The following NINL variants were observed in gnomAD, a reference collection of about 807,000 sequenced individuals.
NINL encodes ninein like.
In NINL, 153 loss-of-function variants were observed where a neutral mutation model predicts 160.3. The observed-to-expected ratio is 0.95, with a 90% confidence interval of 0.84 to 1.09. NINL has a LOEUF of 1.09. Among genes scored for constraint, NINL ranks in the 50% least tolerant of loss-of-function variants. NINL has a pLI of 0.00. For synonymous variants in NINL, 800 were observed against 734.8 expected, an observed-to-expected ratio of 1.09 and a Z score of -1.43; for missense variants, 1,829 against 1,764.0, an observed-to-expected ratio of 1.04 and a Z score of -0.66.
chr20:25,463,575 G>C (rs1601003722), intron 19 of NINL, among the ~76,000 whole-genome samples: 1 of 152,332 alleles, frequency 6.6e-6, no homozygotes, highest in South Asian at 2.1e-4. Flanking sequence ...CGGAGGCTCT[G>C]CTGTCTGCAG....
At chr20:25,470,947 T>C (rs2063079994) in intron 17 of NINL, among the ~76,000 whole-genome samples, 2 of 152,216 alleles carry the variant, frequency 1.3e-5, no homozygotes, top group African/African-American at 2.4e-5. Flanking sequence ...GGTCTCCATA[T>C]GGTACTAGCT....
At chr20:25,484,807 T>C (rs1477098266) in intron 13 of NINL, among the ~76,000 whole-genome samples, 1 of 152,240 alleles carries the variant, frequency 6.6e-6, no homozygotes, top group African/African-American at 2.4e-5. Context: ...CCAGGGAAGA[T>C]TCTGATGAAG....
At chr20:25,528,012 T>C (rs184900742) in intron 1 of NINL, among the ~76,000 whole-genome samples, 1 of 152,286 alleles carries the variant, frequency 6.6e-6, no homozygotes, top group East Asian at 1.9e-4. Context: ...TATTAAACAG[T>C]CTTGAAATTC....
chr20:25,461,413 G>A (rs6107046), intron 21 of NINL, 109 bp downstream of exon 21: 306,006 of 682,400 alleles, frequency 0.45, 73,768 homozygotes, highest in East Asian at 0.91. Context: ...GCCCAGCAGC[G>A]CAACTACTTC....
At chr20:25,548,042 T>C (rs1351923217) in intron 1 of NINL, among the ~76,000 whole-genome samples, 2 of 152,202 alleles carry the variant, frequency 1.3e-5, no homozygotes. Flanking sequence ...ACAGCTATAC[T>C]CCTGGGATCC....
rs541174270 is a variant in NINL at position 25,500,097 on chromosome 20, T to C, written c.1032+743A>G. Among the ~76,000 whole-genome samples the C allele has an allele frequency of 2.0e-5, 3 of 152,254 alleles. No homozygotes were observed. In the East Asian group the frequency reaches 5.8e-4, roughly 29 times the overall value. On this transcript the variant is annotated intron_variant, in intron 8 of 23. Transcript: ENST00000278886. ...AGGGGGGCAGGTAGGCTTTCTTTCT[T>C]ATTTAATAGGTTTTTGTTCAGTTGA... is the stretch of plus-strand genomic sequence containing the variant.
chr20:25,465,381 T>C (rs1287362370), intron 19 of NINL, among the ~76,000 whole-genome samples: 3 of 152,128 alleles, frequency 2.0e-5, no homozygotes, highest in Non-Finnish European at 4.4e-5. Context: ...ACCTGAACAC[T>C]TGCCCATCAG....
At chr20:25,576,897 T>C (rs2065122121) in intron 1 of NINL, among the ~76,000 whole-genome samples, 2 of 152,254 alleles carry the variant, frequency 1.3e-5, no homozygotes, top group South Asian at 4.1e-4. Flanking sequence ...CAGTGTACAC[T>C]ATCAAGTACA....
chr20:25,461,251 A>G (rs1028817380), intron 21 of NINL, among the ~76,000 whole-genome samples: 3 of 152,122 alleles, frequency 2.0e-5, no homozygotes, highest in African/African-American at 7.2e-5. Context: ...TGGCTCCTCC[A>G]TTCTGTGGAG....
Position 25,452,941 on chromosome 20 carries a change from C to T in NINL, c.*510G>A, listed in dbSNP as rs913945454. 1 of 152,618 alleles carries T rather than the reference C, an allele frequency of 6.6e-6. No individual in the cohort carries two copies. Among genetic ancestry groups the T allele is most frequent in the Non-Finnish European group, 1.5e-5 (1 of 68,066 alleles). The allele number at this position is 152,618 out of a possible 1,614,324, so 9.5% of individuals were successfully genotyped here. A position where few individuals can be genotyped will look rare whatever the true frequency, so the allele number is the denominator to read the frequency against. ...AAGGTCCCCGGAGAAGGGGCTTCCC[C>T]TCCTTTCTCGCTGGGTTGACGTTCC... On this transcript the variant is annotated 3_prime_UTR_variant, in exon 24 of 24. Transcript: ENST00000278886.
chr20:25,458,318 A>G, intron 22 of NINL, 65 bp downstream of exon 22: 3 of 1,581,928 alleles, frequency 1.9e-6, no homozygotes, highest in Non-Finnish European at 2.6e-6. Context: ...GTAACTGAGG[A>G]CCGGTGGGCC....
At chr20:25,580,242 G>A (rs918907540) in intron 1 of NINL, among the ~76,000 whole-genome samples, 1 of 152,018 alleles carries the variant, frequency 6.6e-6, no homozygotes, top group Non-Finnish European at 1.5e-5. Flanking sequence ...GCTAAGACAG[G>A]AGAATTGCTT....
At chr20:25,512,498 C>T (rs1373079807) in intron 4 of NINL, among the ~76,000 whole-genome samples, 1 of 152,146 alleles carries the variant, frequency 6.6e-6, no homozygotes, top group East Asian at 1.9e-4. Flanking sequence ...CCTCCTTCTC[C>T]AGTCATGTAA....
rs953433198 is a variant in NINL at position 25,496,699 on chromosome 20, T to C, written c.1274A>G (p.His425Arg). The change falls in exon 10 of 24, where the codon CAC (histidine) becomes CGC (arginine). Residue 425 changes from histidine to arginine, a missense_variant. Transcript: ENST00000278886. ...LEFVKEMDDC[H>R]STLEQLTEKK... ...CTCCGTGAGCTGCTCCAGGGTGGAG[T>C]GGCAGTCGTCCATCTCTTTCACAAA... 1.9e-6 allele frequency: 3 copies of C among 1,613,746 alleles called. No homozygotes were observed. The highest frequency in any genetic ancestry group is 1.6e-4 in the Middle Eastern group (1 of 6,062).
intron 17 of NINL, 97 bp downstream of exon 17, chr20:25,475,946 G>C: frequency 7.7e-7 from 1 of 1,296,134 alleles, no homozygotes; most frequent in Non-Finnish European, 1.1e-6. Flanking sequence ...TTGTCGGCAG[G>C]AAGGGCCACA....
intron 3 of NINL, among the ~76,000 whole-genome samples, chr20:25,515,477 T>C (rs2064143753): frequency 1.3e-5 from 2 of 152,204 alleles, no homozygotes; most frequent in East Asian, 3.8e-4. Flanking sequence ...ACTTGGGTTT[T>C]TGAGTTAATG....
intron 3 of NINL, 52 bp from the exon 4 acceptor site, chr20:25,513,058 C>T (rs755194190): frequency 6.5e-7 from 1 of 1,545,992 alleles, no homozygotes; most frequent in Non-Finnish European, 8.8e-7. Context: ...AGTTCTGGGC[C>T]CATGCAGGCC....
intron 1 of NINL, among the ~76,000 whole-genome samples, chr20:25,532,450 C>T (rs1037333307): frequency 6.6e-6 from 1 of 152,226 alleles, no homozygotes; most frequent in Non-Finnish European, 1.5e-5. Context: ...GTAGGGGGAG[C>T]CCACCCATCT....
At chr20:25,519,963 C>T (rs1443877988) in intron 2 of NINL, among the ~76,000 whole-genome samples, 2 of 115,580 alleles carry the variant, frequency 1.7e-5, no homozygotes, top group Non-Finnish European at 3.2e-5. Flanking sequence ...AAGATCATGC[C>T]TGGGTGACGA....
Sources: gnomAD v4.1 joint callset for allele counts (sites outside exome capture counted in the v4.1 genomes callset) on GRCh38, gnomAD v4.1.1 for gene constraint, MANE v1.5 for transcripts, NCBI Gene and HGNC (gene_info 2026-07-23, HGNC 2026-07-21) for gene names.